The following DLG2 variants were observed in gnomAD, a reference collection of about 807,000 sequenced individuals.
DLG2 encodes discs large MAGUK scaffold protein 2.
In DLG2, 45 loss-of-function variants were observed where a neutral mutation model predicts 132.5. The observed-to-expected ratio is 0.34, with a 90% confidence interval of 0.27 to 0.44. The LOEUF (loss-of-function observed/expected upper bound fraction) is 0.44. Among genes scored for constraint, DLG2 ranks in the 20% least tolerant of loss-of-function variants. The pLI, the probability that DLG2 is intolerant of heterozygous loss-of-function variation, is 1.00. For missense variants in DLG2, 1,045 were observed against 1,196.9 expected (o/e 0.87, Z 1.87); for synonymous variants, 424 against 419.6 (o/e 1.01, Z -0.13).
At chr11:84,347,203 T>C (rs1177644667) in intron 7 of DLG2, among the ~76,000 whole-genome samples, 4 of 152,130 alleles carry the variant, frequency 2.6e-5, no homozygotes, top group Admixed American at 1.3e-4. Context: ...TGCTGCTGAA[T>C]AAATAAATGC....
chr11:85,354,981 T>C (rs2083581571), intron 3 of DLG2, among the ~76,000 whole-genome samples: 1 of 152,182 alleles, frequency 6.6e-6, no homozygotes, highest in African/African-American at 2.4e-5. Context: ...TTTGGATTTT[T>C]AGTTTTAAAA....
chr11:84,170,729 C>T (rs574184958), intron 8 of DLG2, among the ~76,000 whole-genome samples: 2 of 152,266 alleles, frequency 1.3e-5, no homozygotes, highest in South Asian at 4.1e-4. Context: ...GCATTGTACT[C>T]CTGAGTCTGT....
chr11:83,668,183 G>A (rs1470408945), intron 18 of DLG2, among the ~76,000 whole-genome samples: 3 of 151,996 alleles, frequency 2.0e-5, no homozygotes, highest in South Asian at 2.1e-4. Flanking sequence ...TCACAGACGT[G>A]GTGGATATTG....
intron 3 of DLG2, among the ~76,000 whole-genome samples, chr11:85,394,204 C>A (rs1370476350): frequency 1.3e-5 from 2 of 152,100 alleles, no homozygotes; most frequent in Admixed American, 1.3e-4. Context: ...TATTTTAAAA[C>A]AAATGAGGTA....
At chr11:85,388,048 A>T (rs1405928997) in intron 3 of DLG2, among the ~76,000 whole-genome samples, 1 of 152,118 alleles carries the variant, frequency 6.6e-6, no homozygotes, top group Non-Finnish European at 1.5e-5. Flanking sequence ...AGCCTGTGAC[A>T]AGTACTCAGC....
intron 11 of DLG2, 66 bp downstream of exon 11, chr11:84,059,249 T>C: frequency 1.4e-6 from 2 of 1,481,174 alleles, no homozygotes; most frequent in Non-Finnish European, 1.9e-6. Flanking sequence ...CATACGACTA[T>C]CGTGGCATAA....
chr11:83,588,125 G>T (rs1235067999), intron 19 of DLG2, among the ~76,000 whole-genome samples: 1 of 152,146 alleles, frequency 6.6e-6, no homozygotes, highest in Non-Finnish European at 1.5e-5. Flanking sequence ...ACTGGGTGGA[G>T]CCCACCACAG....
intron 7 of DLG2, among the ~76,000 whole-genome samples, chr11:84,502,398 C>CTTTCTTTT (rs2099221639): frequency 1.1e-5 from 1 of 94,638 alleles, no homozygotes; most frequent in African/African-American, 4.8e-5. Context: ...TTCTTTCTTT[C>CTTTCTTTT]TTTCTTTCTT....
At chr11:84,242,699 C>T (rs2154344297) in intron 8 of DLG2, among the ~76,000 whole-genome samples, 1 of 152,208 alleles carries the variant, frequency 6.6e-6, no homozygotes, top group South Asian at 2.1e-4. Flanking sequence ...AGCCACCGCA[C>T]CTGGCCAAAA....
intron 10 of DLG2, among the ~76,000 whole-genome samples, chr11:84,084,295 T>C (rs2096943260): frequency 6.6e-6 from 1 of 152,186 alleles, no homozygotes; most frequent in Non-Finnish European, 1.5e-5. Flanking sequence ...GGTGTAGAAA[T>C]TTGAGAATTC....
chr11:85,308,586 C>G (rs918009913), intron 3 of DLG2, among the ~76,000 whole-genome samples: 2 of 152,164 alleles, frequency 1.3e-5, no homozygotes, highest in Non-Finnish European at 1.5e-5. Flanking sequence ...GGTCAAACTT[C>G]CTTTTGTCCT....
intron 16 of DLG2, among the ~76,000 whole-genome samples, chr11:83,858,469 A>T (rs915458420): frequency 1.3e-5 from 2 of 152,190 alleles, no homozygotes; most frequent in African/African-American, 4.8e-5. Context: ...CTCCAGATAA[A>T]ATGGAGCTCC....
At chr11:84,506,079 C>T (rs77975742) in intron 7 of DLG2, among the ~76,000 whole-genome samples, 200 of 106,936 alleles carry the variant, frequency 1.9e-3, no homozygotes, top group African/African-American at 5.8e-3. Context: ...AGGCTCAGTT[C>T]TTTTTTTTTT....
intron 3 of DLG2, among the ~76,000 whole-genome samples, chr11:85,436,035 A>G (rs898265137): frequency 5.9e-5 from 9 of 152,200 alleles, no homozygotes; most frequent in Admixed American, 2.0e-4. Flanking sequence ...GATCTTCAAC[A>G]AACCTAAAAA....
intron 7 of DLG2, among the ~76,000 whole-genome samples, chr11:84,395,210 T>C (rs1190369448): frequency 1.3e-5 from 2 of 152,176 alleles, no homozygotes; most frequent in African/African-American, 4.8e-5. Flanking sequence ...TTTTTACAAT[T>C]TCCTGTACTG....
intron 6 of DLG2, among the ~76,000 whole-genome samples, chr11:84,574,323 G>A (rs943873157): frequency 2.0e-5 from 3 of 151,224 alleles, no homozygotes; most frequent in Admixed American, 6.6e-5. Context: ...ATGTTACAGG[G>A]CACGTATTAT....
intron 18 of DLG2, among the ~76,000 whole-genome samples, chr11:83,701,384 C>A (rs1691692665): frequency 6.6e-6 from 1 of 152,128 alleles, no homozygotes; most frequent in South Asian, 2.1e-4. Flanking sequence ...AGAACAGTGT[C>A]TGGAGTAGAT....
chr11:84,451,670 G>A (rs184599703), intron 7 of DLG2, among the ~76,000 whole-genome samples: 30 of 151,778 alleles, frequency 2.0e-4, no homozygotes, highest in African/African-American at 4.6e-4. Context: ...CAATGGGGTC[G>A]TAACAATGAA....
At chr11:83,889,854 G>C (rs372680707) in intron 15 of DLG2, among the ~76,000 whole-genome samples, 1 of 150,394 alleles carries the variant, frequency 6.6e-6, no homozygotes, top group Non-Finnish European at 1.5e-5. Flanking sequence ...GTAAACTATC[G>C]CAAGAACAAA....
Sources: gnomAD v4.1 joint callset for allele counts (sites outside exome capture counted in the v4.1 genomes callset) on GRCh38, gnomAD v4.1.1 for gene constraint, MANE v1.5 for transcripts, NCBI Gene and HGNC (gene_info 2026-07-23, HGNC 2026-07-21) for gene names.